The following COG5 variants were observed in gnomAD, a reference collection of about 807,000 sequenced individuals.
COG5 encodes the protein component of oligomeric golgi complex 5.
Under a neutral mutation model 110.4 loss-of-function variants are expected in COG5, and 86 were observed. The ratio of observed to expected loss-of-function variants is 0.78; its 90% CI spans 0.65 to 0.93. The LOEUF (loss-of-function observed/expected upper bound fraction) is 0.93, where lower values mean the gene tolerates loss of function less well. Among genes scored for constraint, COG5 ranks in the 40% least tolerant of loss-of-function variants. The pLI, the probability that COG5 is intolerant of heterozygous loss-of-function variation, is 0.00. For synonymous variants in COG5, 360 were observed against 334.6 expected, an observed-to-expected ratio of 1.08 and a Z score of -0.83; for missense variants, 1,077 against 987.0, an observed-to-expected ratio of 1.09 and a Z score of -1.22.
At chr7:107,302,623 TG>T (rs1159482879) in intron 11 of COG5, among the ~76,000 whole-genome samples, 2 of 152,178 alleles carry the variant, frequency 1.3e-5, no homozygotes, top group African/African-American at 4.8e-5. Flanking sequence ...CAATGCACCA[TG>T]GGCCTCAAGT....
intron 6 of COG5, among the ~76,000 whole-genome samples, chr7:107,441,425 T>A (rs970889548): frequency 5.3e-5 from 8 of 152,188 alleles, no homozygotes; most frequent in Admixed American, 5.2e-4. Context: ...GTCTCCATTC[T>A]TTGTTTTTGT....
At position 107,468,366 on chromosome 7, in the gene COG5, G is replaced by A. The variant is rs1299963309; in HGVS notation, c.539-55734C>T. On this transcript the variant is annotated intron_variant, in intron 6 of 21. Transcript: ENST00000297135. ...CTCATCCCCATCACATATTTCCACT[G>A]ATGCTATGCTTTCTCTGGTCTTAGT... Among the ~76,000 whole-genome samples, 4 of 151,960 alleles carry A rather than the reference G, an allele frequency of 2.6e-5. No homozygotes were observed. In the South Asian group the frequency reaches 8.3e-4, roughly 32 times the overall value.
intron 5 of COG5, among the ~76,000 whole-genome samples, chr7:107,540,312 C>T (rs1359121870): frequency 6.6e-6 from 1 of 152,020 alleles, no homozygotes; most frequent in Non-Finnish European, 1.5e-5. Flanking sequence ...GTGGCTCATG[C>T]CTGCAATCCC....
chr7:107,226,710 G>C (rs1800366322), intron 19 of COG5, among the ~76,000 whole-genome samples: 1 of 152,160 alleles, frequency 6.6e-6, no homozygotes, highest in Non-Finnish European at 1.5e-5. Context: ...ACCAGGGCTG[G>C]ATTTGAACCC....
At chr7:107,534,176 T>C (rs761983442) in intron 5 of COG5, among the ~76,000 whole-genome samples, 1 of 150,514 alleles carries the variant, frequency 6.6e-6, no homozygotes, top group Non-Finnish European at 1.5e-5. Context: ...GCACTAAATA[T>C]CAAAAGGAAA....
intron 17 of COG5, among the ~76,000 whole-genome samples, 180 bp downstream of exon 17, chr7:107,248,216 G>T (rs974583773): frequency 6.6e-6 from 1 of 151,920 alleles, no homozygotes; most frequent in African/African-American, 2.4e-5. Flanking sequence ...AACGAGAACT[G>T]AAAAATTTTA....
intron 5 of COG5, among the ~76,000 whole-genome samples, chr7:107,543,912 A>G (rs926805871): frequency 1.2e-4 from 18 of 151,798 alleles, no homozygotes; most frequent in Middle Eastern, 3.4e-3. Flanking sequence ...CAGGCTCATC[A>G]CAGCAGAACC....
chr7:107,437,061 C>T (rs796179604), intron 6 of COG5, among the ~76,000 whole-genome samples: 13 of 152,254 alleles, frequency 8.5e-5, no homozygotes, highest in African/African-American at 3.1e-4. Context: ...CATTTACCGG[C>T]CATGCAAACC....
chr7:107,280,888 G>A (rs1337267102), intron 14 of COG5, among the ~76,000 whole-genome samples: 1 of 151,872 alleles, frequency 6.6e-6, no homozygotes, highest in African/African-American at 2.4e-5. Context: ...TTTTCTAACA[G>A]TTCAAGTCAA....
At chr7:107,466,386 C>T (rs1031256464) in intron 6 of COG5, among the ~76,000 whole-genome samples, 3 of 151,820 alleles carry the variant, frequency 2.0e-5, no homozygotes, top group African/African-American at 7.3e-5. Context: ...GTGATACTGG[C>T]AAATGACTTA....
intron 6 of COG5, among the ~76,000 whole-genome samples, chr7:107,453,713 T>C (rs1795493339): frequency 6.6e-6 from 1 of 152,168 alleles, no homozygotes; most frequent in African/African-American, 2.4e-5. Flanking sequence ...GAGCACAATA[T>C]GGCACAGATT....
intron 6 of COG5, among the ~76,000 whole-genome samples, chr7:107,492,285 A>C (rs933880089): frequency 6.6e-6 from 1 of 151,998 alleles, no homozygotes; most frequent in East Asian, 1.9e-4. Context: ...CAAAACAAAC[A>C]GTACTCTTTC....
rs760831906 is a variant in COG5, at chr7:107,248,420, G to T, written c.1829C>A (p.Thr610Asn). 1.1e-5 allele frequency: 18 copies of T among 1,610,812 alleles called. No individual in the cohort carries two copies. The Admixed American group carries it at 3.0e-4, about 27-fold the overall frequency. Reference sequence around the variant, plus strand: ...CCCAGAAAAGTCTTCTTGATGCATGGTGATGATTATGGCCTCTATAGCATC... The same window carrying T: ...CCCAGAAAAGTCTTCTTGATGCATGTTGATGATTATGGCCTCTATAGCATC... ...VGDAIEAIII[T>N]MHQEDFSGSL... is the part of the protein sequence containing the mutation. Residue 610 changes from threonine to asparagine, a missense_variant, in exon 17 of 22, where the codon ACC becomes AAC. Transcript: ENST00000297135.
At chr7:107,412,354 ATG>A in intron 7 of COG5, 146 bp downstream of exon 7, 5 of 423,808 alleles carry the variant, frequency 1.2e-5, no homozygotes, top group East Asian at 5.9e-5. Context: ...TCCCTTAACG[ATG>A]ACCCATTCTT....
At chr7:107,563,573 G>A in intron 1 of COG5, 1 of 546,450 alleles carries the variant, frequency 1.8e-6, no homozygotes, top group Non-Finnish European at 3.3e-6. Flanking sequence ...GTTGAAATGA[G>A]GAACACACAG....
chr7:107,272,052 T>C (rs1001418470), intron 14 of COG5, among the ~76,000 whole-genome samples: 2 of 152,280 alleles, frequency 1.3e-5, no homozygotes, highest in East Asian at 1.9e-4. Flanking sequence ...CTATCAGTTA[T>C]TTGGGGAGGA....
At chr7:107,429,753 G>A (rs1793889766) in intron 6 of COG5, among the ~76,000 whole-genome samples, 1 of 152,148 alleles carries the variant, frequency 6.6e-6, no homozygotes, top group African/African-American at 2.4e-5. Flanking sequence ...CATGAGATCT[G>A]ATGGTTTTAT....
At chr7:107,521,721 G>A (rs1411560202) in intron 6 of COG5, among the ~76,000 whole-genome samples, 1 of 152,228 alleles carries the variant, frequency 6.6e-6, no homozygotes, top group Admixed American at 6.5e-5. Flanking sequence ...GGAAGAAAGT[G>A]TGGCGATTCC....
At chr7:107,504,544 AT>A (rs1297779123) in intron 6 of COG5, among the ~76,000 whole-genome samples, 3 of 152,144 alleles carry the variant, frequency 2.0e-5, no homozygotes, top group Non-Finnish European at 4.4e-5. Context: ...CTCTTTCTCA[AT>A]CTTTTGCAAT....
Sources: gnomAD v4.1 joint callset for allele counts (sites outside exome capture counted in the v4.1 genomes callset) on GRCh38, gnomAD v4.1.1 for gene constraint, MANE v1.5 for transcripts, NCBI Gene and HGNC (gene_info 2026-07-23, HGNC 2026-07-21) for gene names.